The following DYM variants were observed in gnomAD, a reference collection of about 807,000 sequenced individuals.
The protein encoded by DYM is dymeclin.
In DYM, 78 loss-of-function variants were observed where a neutral mutation model predicts 93.1. That is an observed-to-expected ratio of 0.84 (90% CI 0.70 to 1.01). The LOEUF is 1.01. Ranked by LOEUF, DYM falls within the 50% of genes least tolerant of loss-of-function variation. The pLI, the probability that DYM is intolerant of heterozygous loss-of-function variation, is 0.00. For missense variants in DYM, 789 were observed against 845.0 expected, an observed-to-expected ratio of 0.93 and a Z score of 0.82; for synonymous variants, 321 against 319.7, an observed-to-expected ratio of 1.00 and a Z score of -0.04.
intron 13 of DYM, among the ~76,000 whole-genome samples, chr18:49,242,794 G>C (rs1277330951): frequency 6.6e-6 from 1 of 152,134 alleles, no homozygotes; most frequent in Non-Finnish European, 1.5e-5. Context: ...CCGCCTCTGG[G>C]GTTCACGCCA....
At chr18:49,318,797 C>CTTTTTTTTTT (rs932617888) in intron 8 of DYM, among the ~76,000 whole-genome samples, 5 of 114,380 alleles carry the variant, frequency 4.4e-5, no homozygotes, top group Admixed American at 8.9e-5. Context: ...ATTTCTTTTT[C>CTTTTTTTTTT]TTTTTTTTTT....
intron 17 of DYM, among the ~76,000 whole-genome samples, chr18:49,072,758 C>T (rs1039478867): frequency 5.9e-5 from 9 of 152,338 alleles, no homozygotes; most frequent in Admixed American, 3.3e-4. Flanking sequence ...ATTGCTGAGA[C>T]AGACAGCGCC....
chr18:49,323,702 A>T (rs1012686124), intron 8 of DYM, among the ~76,000 whole-genome samples: 5 of 152,178 alleles, frequency 3.3e-5, no homozygotes, highest in Non-Finnish European at 7.3e-5. Flanking sequence ...AGCCTCCAGA[A>T]CTGTGAGAAA....
chr18:49,265,873 G>C (rs1352433535), intron 11 of DYM, among the ~76,000 whole-genome samples: 1 of 151,906 alleles, frequency 6.6e-6, no homozygotes, highest in Non-Finnish European at 1.5e-5. Context: ...CAAACTCAGG[G>C]ATACAGAAAC....
intron 16 of DYM, among the ~76,000 whole-genome samples, chr18:49,109,483 G>A (rs1165062290): frequency 1.3e-5 from 2 of 152,148 alleles, no homozygotes; most frequent in Non-Finnish European, 2.9e-5. Flanking sequence ...TTGACACTGT[G>A]AAGAACTGTG....
At chr18:49,059,878 T>A (rs932579021) in intron 17 of DYM, among the ~76,000 whole-genome samples, 2 of 152,226 alleles carry the variant, frequency 1.3e-5, no homozygotes, top group South Asian at 2.1e-4. Flanking sequence ...TAGTTTGATG[T>A]TAATTCTGGA....
chr18:49,081,104 C>T (rs1229083588), intron 17 of DYM, among the ~76,000 whole-genome samples: 6 of 147,000 alleles, frequency 4.1e-5, no homozygotes, highest in Non-Finnish European at 9.0e-5. Context: ...GACGGGGTGG[C>T]GGCCGGGCAG....
At chr18:49,117,692 T>C (rs1038027831) in intron 16 of DYM, among the ~76,000 whole-genome samples, 1 of 152,198 alleles carries the variant, frequency 6.6e-6, no homozygotes, top group Non-Finnish European at 1.5e-5. Context: ...AGTAACATTC[T>C]CAAATCTGCT....
At chr18:49,052,940 G>A (rs530694764) in intron 17 of DYM, among the ~76,000 whole-genome samples, 5 of 152,312 alleles carry the variant, frequency 3.3e-5, no homozygotes, top group Admixed American at 2.6e-4. Flanking sequence ...TTGGTGAGGA[G>A]CCCCTGGCTT....
rs117373893 is a variant in DYM at position 49,238,163 on chromosome 18, C to T, written c.1460+18847G>A. ...ACACTTCAACCAGAAAATTTTGAGA[C>T]GGTCTGTTTCCACATAACCTGGAAA... On this transcript the variant is annotated intron_variant, in intron 13 of 17. Coordinates refer to ENST00000675505, the MANE Select transcript of DYM (RefSeq NM_001353214.3). Among the ~76,000 whole-genome samples the T allele has an allele frequency of 5.3e-4, 80 of 152,216 alleles. 1 individual carries two copies. The East Asian group carries it at 7.7e-3, about 15-fold the overall frequency.
At chr18:49,419,906 G>A (rs1395709513) in intron 2 of DYM, among the ~76,000 whole-genome samples, 1 of 152,136 alleles carries the variant, frequency 6.6e-6, no homozygotes, top group Non-Finnish European at 1.5e-5. Context: ...AATAAATCAT[G>A]CTCTCCATTT....
chr18:49,292,565 T>C (rs577082741), intron 8 of DYM, among the ~76,000 whole-genome samples: 2 of 121,796 alleles, frequency 1.6e-5, no homozygotes, highest in Non-Finnish European at 3.2e-5. Context: ...GACCTAAGAA[T>C]CTTAGTGGAA....
chr18:49,283,094 C>A (rs1228507652), intron 9 of DYM, among the ~76,000 whole-genome samples: 2 of 152,140 alleles, frequency 1.3e-5, no homozygotes, highest in African/African-American at 4.8e-5. Flanking sequence ...GTAGTCTAGC[C>A]TAGCCTAAGC....
intron 15 of DYM, among the ~76,000 whole-genome samples, chr18:49,129,538 A>G (rs1780363789): frequency 6.6e-6 from 1 of 152,254 alleles, no homozygotes; most frequent in African/African-American, 2.4e-5. Context: ...CAGAAGTGGC[A>G]AAGAAGAAAG....
At chr18:49,219,436 T>G (rs1337605722) in intron 13 of DYM, among the ~76,000 whole-genome samples, 2 of 152,046 alleles carry the variant, frequency 1.3e-5, no homozygotes, top group African/African-American at 2.4e-5. Flanking sequence ...TACCAAAGCC[T>G]GGCAGAGACA....
intron 8 of DYM, among the ~76,000 whole-genome samples, chr18:49,303,763 G>A (rs148944360): frequency 2.2e-3 from 342 of 152,290 alleles, no homozygotes; most frequent in African/African-American, 7.7e-3. Flanking sequence ...CATAAAGTAT[G>A]TATCTTTCAT....
intron 2 of DYM, among the ~76,000 whole-genome samples, chr18:49,391,906 G>A (rs2069301405): frequency 6.6e-6 from 1 of 152,152 alleles, no homozygotes; most frequent in South Asian, 2.1e-4. Flanking sequence ...AGGCAGCAGG[G>A]AGACTTAGAA....
chr18:49,156,985 A>G (rs2086529953), intron 15 of DYM, among the ~76,000 whole-genome samples: 1 of 151,036 alleles, frequency 6.6e-6, no homozygotes. Flanking sequence ...GGTTGACAGG[A>G]AGCCTGCCAA....
chr18:49,050,078 T>TC (rs1377426673), intron 17 of DYM, among the ~76,000 whole-genome samples: 1 of 136,240 alleles, frequency 7.3e-6, no homozygotes, highest in Non-Finnish European at 1.5e-5. Context: ...AGAGGTAACT[T>TC]CCTTTTTTTT....
Sources: allele counts gnomAD v4.1 joint callset (sites outside exome capture counted in the v4.1 genomes callset), GRCh38; gene constraint gnomAD v4.1.1; transcripts MANE v1.5; gene names NCBI Gene and HGNC (gene_info 2026-07-23, HGNC 2026-07-21).